Variants in HYDIN observed in about 807,000 individuals in gnomAD.
HYDIN encodes the protein axonemal central pair apparatus protein HYDIN.
In HYDIN, 132 loss-of-function variants were observed where a neutral mutation model predicts 403.9. The observed-to-expected ratio is 0.33, with a 90% CI of 0.28 to 0.38. The LOEUF is 0.38. HYDIN is among the 10% of genes least tolerant of loss of function. The probability of loss-of-function intolerance (pLI) is 1.00; values close to 1 mark genes in which losing one functional copy is unlikely to be tolerated. For synonymous variants in HYDIN, 1,202 were observed against 1,891.7 expected (o/e 0.64, Z 9.46); for missense variants, 2,827 against 5,009.5 (o/e 0.56, Z 13.15).
At chr16:71,001,722 G>A (rs1207598979) in intron 23 of HYDIN, among the ~76,000 whole-genome samples, 2 of 151,040 alleles carry the variant, frequency 1.3e-5, no homozygotes, top group Non-Finnish European at 3.0e-5. Context: ...GTAATCTCAG[G>A]TTGGTCTGCA....
intron 37 of HYDIN, 46 bp downstream of exon 37, chr16:70,964,682 C>T (rs1251364569): frequency 1.3e-6 from 2 of 1,594,378 alleles, no homozygotes; most frequent in African/African-American, 1.3e-5. Context: ...TTCAGAGGGG[C>T]AAAGGCAATG....
intron 6 of HYDIN, among the ~76,000 whole-genome samples, chr16:71,157,200 T>C (rs1214822675): frequency 1.3e-5 from 2 of 151,748 alleles, no homozygotes; most frequent in African/African-American, 2.4e-5. Flanking sequence ...TTTTAGTTTT[T>C]GTGATTTATA....
At chr16:71,021,957 C>T (rs1261186610) in intron 21 of HYDIN, among the ~76,000 whole-genome samples, 1 of 151,920 alleles carries the variant, frequency 6.6e-6, no homozygotes. Context: ...TCCCTGTGCA[C>T]TCCCAGGGTG....
chr16:71,212,786 C>A (rs1462835825), intron 1 of HYDIN, among the ~76,000 whole-genome samples: 1 of 151,960 alleles, frequency 6.6e-6, no homozygotes, highest in East Asian at 1.9e-4. Flanking sequence ...TAACAAATAA[C>A]AACTGATAAT....
intron 7 of HYDIN, among the ~76,000 whole-genome samples, chr16:71,139,868 A>C (rs1468836473): frequency 6.6e-6 from 1 of 151,488 alleles, no homozygotes; most frequent in African/African-American, 2.4e-5. Context: ...GGAATTAAAG[A>C]CATCAGTTCA....
intron 62 of HYDIN, among the ~76,000 whole-genome samples, chr16:70,875,942 C>T (rs1271576656): frequency 3.9e-5 from 6 of 152,054 alleles, no homozygotes; most frequent in South Asian, 2.1e-4. Context: ...ATAATGGAAA[C>T]GATGCAGGGT....
intron 23 of HYDIN, among the ~76,000 whole-genome samples, chr16:71,012,151 C>T (rs1358433377): frequency 6.6e-6 from 1 of 152,310 alleles, no homozygotes; most frequent in African/African-American, 2.4e-5. Flanking sequence ...TCAAGTGCAC[C>T]GTTTCCTTGT....
chr16:71,149,114 GC>G (rs2085434000), intron 7 of HYDIN, among the ~76,000 whole-genome samples: 1 of 138,100 alleles, frequency 7.2e-6, no homozygotes, highest in Non-Finnish European at 1.6e-5. Context: ...TAAAGAATGG[GC>G]AAAAGACTTA....
rs1293849455 is a variant in HYDIN, at chr16:70,861,987, A to G, written c.11777+61T>C. On this transcript the variant is annotated intron_variant, in intron 69 of 85. Transcript: ENST00000393567. The stretch of plus-strand genomic sequence containing the variant: ...TGGCAGTGGTTGGACAGAAAAGGGG[A>G]TAAGAGCCACAGAGCTTTGTGCCTG... 145 of 1,457,208 alleles carry G rather than the reference A, an allele frequency of 1.0e-4. 1 individual carries two copies. In the African/African-American group the frequency reaches 1.9e-3, roughly 19 times the overall value. 90.3% of individuals were successfully genotyped at this position (1,457,208 alleles called of 1,614,324 possible).
chr16:71,024,231 G>A (rs8061095), intron 21 of HYDIN, among the ~76,000 whole-genome samples: 1 of 152,090 alleles, frequency 6.6e-6, no homozygotes, highest in Admixed American at 6.5e-5. Flanking sequence ...CAGACTGCAC[G>A]TCTCCAGATG....
chr16:70,896,155 A>C, intron 53 of HYDIN, 75 bp from the exon 54 acceptor site: 4 of 1,576,732 alleles, frequency 2.5e-6, no homozygotes, highest in Non-Finnish European at 3.4e-6. Flanking sequence ...GTAATATCCT[A>C]ACGGGGATAC....
chr16:70,835,498 C>A (rs2037366847), intron 78 of HYDIN, among the ~76,000 whole-genome samples, 178 bp downstream of exon 78: 1 of 152,074 alleles, frequency 6.6e-6, no homozygotes, highest in Non-Finnish European at 1.5e-5. Context: ...ACTAGTGCAC[C>A]CTGTAAAGCC....
intron 62 of HYDIN, among the ~76,000 whole-genome samples, chr16:70,875,177 C>G (rs1233159783): frequency 1.3e-5 from 2 of 150,714 alleles, no homozygotes; most frequent in East Asian, 1.9e-4. Flanking sequence ...CTTTCCAGAT[C>G]ACGTAGGTAG....
Position 71,064,816 on chromosome 16 carries a change from C to T in HYDIN, c.2100G>A (p.Leu700=), listed in dbSNP as rs1294017003. ...GCCCAAAGTCCACCTCTGTATTGACCAGGTGGAGGGCAGGTACAACACACC... is the reference window on the plus strand; with the variant it reads ...GCCCAAAGTCCACCTCTGTATTGACTAGGTGGAGGGCAGGTACAACACACC... ...TARCVVPALH[L]VNTEVDFGHC... is the part of the protein sequence containing the mutation. The change falls in exon 16 of 86, where the codon CTG becomes CTA. Residue 700 remains leucine (L), a synonymous_variant. Coordinates refer to ENST00000393567, the MANE Select transcript of HYDIN (RefSeq NM_001270974.2). The T allele has an allele frequency of 1.2e-6, 2 of 1,609,588 alleles. No individual in the cohort carries two copies. Among genetic ancestry groups the T allele is most frequent in the African/African-American group, 2.7e-5 (2 of 74,798 alleles).
At chr16:71,018,539 TA>T (rs1465976706) in intron 22 of HYDIN, 97 bp from the exon 23 acceptor site, 1 of 621,558 alleles carries the variant, frequency 1.6e-6, no homozygotes, top group African/African-American at 1.8e-5. Flanking sequence ...ACATACACAT[TA>T]CATGTATTTA....
At chr16:71,061,222 G>A (rs939308855) in intron 17 of HYDIN, among the ~76,000 whole-genome samples, 1 of 149,048 alleles carries the variant, frequency 6.7e-6, no homozygotes, top group African/African-American at 2.5e-5. Context: ...ATCTGTGCAG[G>A]GGGGTAGGAC....
chr16:71,197,335 G>A (rs1398033688), intron 1 of HYDIN, among the ~76,000 whole-genome samples: 1 of 152,176 alleles, frequency 6.6e-6, no homozygotes, highest in Admixed American at 6.5e-5. Flanking sequence ...GAAACTCAGT[G>A]ATACGGTTAC....
chr16:70,808,957 T>A (rs2035280300), intron 85 of HYDIN, among the ~76,000 whole-genome samples: 1 of 152,260 alleles, frequency 6.6e-6, no homozygotes, highest in Non-Finnish European at 1.5e-5. Flanking sequence ...GGACAGAAGA[T>A]GTCTGGGTGC....
intron 5 of HYDIN, among the ~76,000 whole-genome samples, chr16:71,163,480 C>T (rs2086098711): frequency 6.6e-6 from 1 of 152,178 alleles, no homozygotes; most frequent in African/African-American, 2.4e-5. Flanking sequence ...GACTTTGCAG[C>T]TCCTCCATCA....
Sources: gnomAD v4.1 joint callset for allele counts (sites outside exome capture counted in the v4.1 genomes callset) on GRCh38, gnomAD v4.1.1 for gene constraint, MANE v1.5 for transcripts, NCBI Gene and HGNC (gene_info 2026-07-23, HGNC 2026-07-21) for gene names.